The following SEMA5A variants were observed in gnomAD, a reference collection of about 807,000 sequenced individuals.
The protein encoded by SEMA5A is semaphorin-5A.
In SEMA5A, 55 loss-of-function variants were observed where a neutral mutation model predicts 135.5. The ratio of observed to expected loss-of-function variants is 0.41; its 90% CI spans 0.33 to 0.51. The LOEUF (loss-of-function observed/expected upper bound fraction) is 0.51, where lower values mean the gene tolerates loss of function less well. Among genes scored for constraint, SEMA5A ranks in the 20% least tolerant of loss-of-function variants. The pLI is 0.37. For synonymous variants in SEMA5A, 580 were observed against 546.5 expected (o/e 1.06, Z -0.85); for missense variants, 1,290 against 1,419.9 (o/e 0.91, Z 1.47).
At chr5:9,413,337 A>G (rs1757169451) in intron 2 of SEMA5A, among the ~76,000 whole-genome samples, 1 of 152,190 alleles carries the variant, frequency 6.6e-6, no homozygotes, top group Non-Finnish European at 1.5e-5. Context: ...AGATGTTAGA[A>G]GGAGAAGAAT....
chr5:9,471,707 T>C (rs776820016), intron 1 of SEMA5A, among the ~76,000 whole-genome samples: 1 of 152,240 alleles, frequency 6.6e-6, no homozygotes, highest in Non-Finnish European at 1.5e-5. Context: ...TGAGTAACTG[T>C]TGCTATTAAC....
chr5:9,297,119 T>C lies in SEMA5A; in HGVS notation c.270+21253A>G, dbSNP rs543486118. Among the ~76,000 whole-genome samples, 8 of 151,946 alleles carry C rather than the reference T, an allele frequency of 5.3e-5. No homozygotes were observed. In the East Asian group the frequency reaches 9.7e-4, roughly 18 times the overall value. ...GTGGTCACCCAAGAAAATGCAATAA[T>C]AGCTGAATGTTGGAAAGTGACAAAT... On this transcript the variant is annotated intron_variant, in intron 5 of 22. Coordinates refer to ENST00000382496, the MANE Select transcript of SEMA5A (RefSeq NM_003966.3).
At chr5:9,263,531 T>C (rs1410838640) in intron 5 of SEMA5A, among the ~76,000 whole-genome samples, 2 of 152,200 alleles carry the variant, frequency 1.3e-5, no homozygotes, top group East Asian at 3.8e-4. Flanking sequence ...ACTGCCCCAA[T>C]GCTCGTGGAA....
In SEMA5A at chr5:9,341,738, TGATA is replaced by T. The variant is rs201387964; in HGVS notation, c.125-3930_125-3927del. Among the ~76,000 whole-genome samples, 600 of 150,104 alleles carry T rather than the reference TGATA, an allele frequency of 4.0e-3. 3 individuals are homozygous for T. The highest frequency in any genetic ancestry group is 7.3e-3 in the Non-Finnish European group (492 of 67,648). On this transcript the variant is annotated intron_variant, in intron 3 of 22. Coordinates refer to ENST00000382496, the MANE Select transcript of SEMA5A (RefSeq NM_003966.3). Reference sequence around the variant, plus strand: ...AATTTGTAAATTCCAACTGAACACTTGATAGATAATTCATAATATTTGAGGTTAA... The same window carrying T: ...AATTTGTAAATTCCAACTGAACACTTGATAATTCATAATATTTGAGGTTAA...
chr5:9,183,157 A>G (rs1228935316), intron 11 of SEMA5A, among the ~76,000 whole-genome samples: 1 of 152,160 alleles, frequency 6.6e-6, no homozygotes, highest in Non-Finnish European at 1.5e-5. Context: ...AGGGAGCAGG[A>G]AAGAGCAGGA....
At chr5:9,104,806 C>T (rs561318186) in intron 16 of SEMA5A, among the ~76,000 whole-genome samples, 1 of 152,288 alleles carries the variant, frequency 6.6e-6, no homozygotes, top group Non-Finnish European at 1.5e-5. Context: ...CACCAAGGAC[C>T]AGAGGACCCC....
intron 9 of SEMA5A, among the ~76,000 whole-genome samples, chr5:9,199,836 C>A (rs1277748641): frequency 6.6e-6 from 1 of 152,166 alleles, no homozygotes; most frequent in Admixed American, 6.5e-5. Context: ...TAGTAGCACA[C>A]CATTTTCTGC....
Position 9,269,035 on chromosome 5 carries a change from C to T in SEMA5A, c.271-31145G>A, listed in dbSNP as rs116561147. Among the ~76,000 whole-genome samples the T allele has an allele frequency of 5.6e-3, 855 of 152,184 alleles. 7 individuals carry two copies. The highest frequency in any genetic ancestry group is 8.7e-3 in the Non-Finnish European group (590 of 67,990). On this transcript the variant is annotated intron_variant, in intron 5 of 22. Transcript: ENST00000382496. ...AACACATTTTTGTTTCTCCAGGTTG[C>T]AAGATCTATAGGCTGATAGAAATGC... is the stretch of plus-strand genomic sequence containing the variant.
rs774429472 is a variant in SEMA5A, at chr5:9,358,398, G to A, written c.125-20586C>T. Among the ~76,000 whole-genome samples, 39 of 152,138 alleles carry A rather than the reference G, an allele frequency of 2.6e-4. 1 individual carries two copies. The highest frequency in any genetic ancestry group is 7.8e-4 in the Admixed American group (12 of 15,290). ...CTTACCTGGTGGTCTGACGCCTGTCGTTCTGACTCCAGCTGGGATGACAGC... is the reference window on the plus strand; with the variant it reads ...CTTACCTGGTGGTCTGACGCCTGTCATTCTGACTCCAGCTGGGATGACAGC... On this transcript the variant is annotated intron_variant, in intron 3 of 22. Coordinates refer to ENST00000382496, the MANE Select transcript of SEMA5A (RefSeq NM_003966.3).
intron 10 of SEMA5A, 48 bp from the exon 11 acceptor site, chr5:9,190,519 C>A (rs1227824202): frequency 6.3e-7 from 1 of 1,586,886 alleles, no homozygotes; most frequent in South Asian, 1.1e-5. Context: ...GCCTGGACAC[C>A]CACAGCTGGC....
intron 11 of SEMA5A, among the ~76,000 whole-genome samples, chr5:9,175,609 T>C (rs184560501): frequency 6.6e-6 from 1 of 152,268 alleles, no homozygotes; most frequent in East Asian, 1.9e-4. Context: ...GAATTTTTCT[T>C]TTTCATTATA....
intron 18 of SEMA5A, among the ~76,000 whole-genome samples, chr5:9,056,443 C>A (rs1011899133): frequency 6.6e-6 from 1 of 152,124 alleles, no homozygotes; most frequent in Non-Finnish European, 1.5e-5. Context: ...AAACAGAGGC[C>A]GGGCATGGTG....
chr5:9,085,629 G>A (rs1472587417), intron 16 of SEMA5A, among the ~76,000 whole-genome samples: 1 of 152,218 alleles, frequency 6.6e-6, no homozygotes, highest in Non-Finnish European at 1.5e-5. Flanking sequence ...TGAATGTCCA[G>A]GCAGAAGTTT....
chr5:9,360,475 C>G (rs1754643383), intron 3 of SEMA5A, among the ~76,000 whole-genome samples: 1 of 152,044 alleles, frequency 6.6e-6, no homozygotes, highest in Non-Finnish European at 1.5e-5. Context: ...CAATTGTGTC[C>G]CCCAAAGCAA....
chr5:9,315,209 CTG>C (rs1342124704), intron 5 of SEMA5A, among the ~76,000 whole-genome samples: 1 of 152,144 alleles, frequency 6.6e-6, no homozygotes, highest in African/African-American at 2.4e-5. Flanking sequence ...CCTGTTAACA[CTG>C]TATCATATTT....
At chr5:9,492,680 T>C (rs553765763) in intron 1 of SEMA5A, among the ~76,000 whole-genome samples, 1 of 152,328 alleles carries the variant, frequency 6.6e-6, no homozygotes, top group South Asian at 2.1e-4. Context: ...AATATTAGCC[T>C]GTGCTAAAAA....
intron 2 of SEMA5A, among the ~76,000 whole-genome samples, chr5:9,387,610 T>C (rs973223551): frequency 3.3e-5 from 5 of 152,220 alleles, no homozygotes; most frequent in Admixed American, 1.3e-4. Flanking sequence ...CCACGGTGTG[T>C]TCAGGCCTAG....
At chr5:9,164,413 C>A (rs1427428721) in intron 11 of SEMA5A, among the ~76,000 whole-genome samples, 1 of 150,234 alleles carries the variant, frequency 6.7e-6, no homozygotes, top group Admixed American at 6.7e-5. Flanking sequence ...TTTTTGCTTT[C>A]CTCTAAAATA....
At chr5:9,117,212 T>A (rs897920250) in intron 15 of SEMA5A, among the ~76,000 whole-genome samples, 7 of 152,240 alleles carry the variant, frequency 4.6e-5, no homozygotes, top group Admixed American at 3.3e-4. Context: ...CCTATGTGGA[T>A]GCAAACGTAC....
Sources: gnomAD v4.1 joint callset for allele counts (sites outside exome capture counted in the v4.1 genomes callset) on GRCh38, gnomAD v4.1.1 for gene constraint, MANE v1.5 for transcripts, NCBI Gene and HGNC (gene_info 2026-07-23, HGNC 2026-07-21) for gene names.